RYR1: variants seen among roughly 807,000 people sequenced by gnomAD.
RYR1 encodes the protein ryanodine receptor 1.
Under a neutral mutation model 583.5 loss-of-function variants are expected in RYR1, and 342 were observed. The observed-to-expected ratio is 0.59, with a 90% confidence interval of 0.54 to 0.64. The LOEUF is 0.64. Ranked by LOEUF, RYR1 falls within the 30% of genes least tolerant of loss-of-function variation. The pLI is 0.00. For missense variants in RYR1, 6,032 were observed against 6,917.2 expected (o/e 0.87, Z 4.54); for synonymous variants, 2,791 against 2,822.5 (o/e 0.99, Z 0.35).
chr19:38,442,550 C>G, intron 3 of RYR1, 97 bp downstream of exon 3: 4 of 828,884 alleles, frequency 4.8e-6, no homozygotes, highest in Non-Finnish European at 8.3e-6. Flanking sequence ...TGAGAGGACC[C>G]GGGGGTCGCT....
At chr19:38,520,526 C>T (rs1390937195) in intron 67 of RYR1, among the ~76,000 whole-genome samples, 1 of 151,692 alleles carries the variant, frequency 6.6e-6, no homozygotes, top group Admixed American at 6.6e-5. Flanking sequence ...GAAACCCTGT[C>T]TCTATTATGA....
Position 38,506,818 on chromosome 19 carries a change from T to C in RYR1, c.8693-11T>C, listed in dbSNP as rs1383345101. On this transcript the variant is annotated splice_polypyrimidine_tract_variant and intron_variant, in intron 56 of 105. Transcript: ENST00000359596. ...CCCCAGAGCCCTGATTTCTGGTCTTTGCCTCCCCAGGCGGTGGGACCCACC... is the reference window on the plus strand; with the variant it reads ...CCCCAGAGCCCTGATTTCTGGTCTTCGCCTCCCCAGGCGGTGGGACCCACC... 2.5e-6 allele frequency: 4 copies of C among 1,613,902 alleles called. No individual in the cohort carries two copies. Among genetic ancestry groups the C allele is most frequent in the East Asian group, 2.2e-5 (1 of 44,878 alleles).
At chr19:38,447,436 G>A (rs1423859901) in intron 9 of RYR1, among the ~76,000 whole-genome samples, 1 of 152,124 alleles carries the variant, frequency 6.6e-6, no homozygotes, top group Non-Finnish European at 1.5e-5. Context: ...TGCTACTGGG[G>A]AGGCTCAGGC....
intron 34 of RYR1, among the ~76,000 whole-genome samples, chr19:38,487,074 C>T (rs950604154): frequency 6.6e-6 from 1 of 152,048 alleles, no homozygotes; most frequent in Non-Finnish European, 1.5e-5. Flanking sequence ...TCTTTCCTTC[C>T]GTAGGTCCAA....
chr19:38,444,787 G>T lies in RYR1; in HGVS notation c.631+110G>T. On this transcript the variant is annotated intron_variant, in intron 7 of 105. Coordinates refer to ENST00000359596, the MANE Select transcript of RYR1 (RefSeq NM_000540.3). This position sits in a 1 kb window ranked among gnomAD's most constrained non-coding sequence, Gnocchi z 5.1. ...CTTGGAACCTCAGACCTCAAACCTA[G>T]ATCTCCAAATTATGGCTCTCACACT... The T allele has an allele frequency of 1.2e-6, 1 of 820,416 alleles. No individual in the cohort carries two copies. The highest frequency in any genetic ancestry group is 1.7e-5 in the African/African-American group (1 of 58,188). 50.8% of individuals were successfully genotyped at this position (820,416 alleles called of 1,614,324 possible). A position where few individuals can be genotyped will look rare whatever the true frequency, so the allele number is the denominator to read the frequency against.
chr19:38,514,734 T>C (rs1435626531), intron 63 of RYR1, among the ~76,000 whole-genome samples: 1 of 152,170 alleles, frequency 6.6e-6, no homozygotes, highest in Non-Finnish European at 1.5e-5. Flanking sequence ...CTAGCCTTTA[T>C]TGAGTGCCTA....
chr19:38,436,536 T>G (rs1484630583), intron 1 of RYR1, among the ~76,000 whole-genome samples: 1 of 152,182 alleles, frequency 6.6e-6, no homozygotes, highest in African/African-American at 2.4e-5. Context: ...CATAATATTT[T>G]TGACATTCAT....
At chr19:38,537,134 C>T (rs1972006324) in intron 83 of RYR1, 1 of 361,464 alleles carries the variant, frequency 2.8e-6, no homozygotes, top group Non-Finnish European at 5.2e-6. Context: ...CCCACCTACT[C>T]TGCTCTCTGC....
intron 67 of RYR1, 131 bp from the exon 68 acceptor site, chr19:38,522,897 T>C (rs1283257858): frequency 6.6e-6 from 5 of 756,270 alleles, no homozygotes; most frequent in Non-Finnish European, 1.1e-5. Context: ...CATGGCCAGA[T>C]GACCCTAGAA....
intron 70 of RYR1, 33 bp from the exon 71 acceptor site, chr19:38,525,298 GC>G (rs1407512836): frequency 2.5e-6 from 4 of 1,613,478 alleles, no homozygotes; most frequent in African/African-American, 1.3e-5. Context: ...TGGGATTGGG[GC>G]TTGGGCTGGT....
At chr19:38,490,576 CT>C in intron 36 of RYR1, 44 bp from the exon 37 acceptor site, 1 of 1,244,286 alleles carries the variant, frequency 8.0e-7, no homozygotes, top group Non-Finnish European at 1.2e-6. Flanking sequence ...AGAGTTCCTG[CT>C]TTGGGATCTC....
intron 81 of RYR1, 51 bp from the exon 82 acceptor site, chr19:38,535,946 G>T: frequency 6.5e-7 from 1 of 1,541,898 alleles, no homozygotes; most frequent in Non-Finnish European, 8.9e-7. Flanking sequence ...TGGGAGAGAG[G>T]AGGGCAGAGG....
At chr19:38,459,408 A>G in intron 19 of RYR1, 70 bp downstream of exon 19, 1 of 1,446,010 alleles carries the variant, frequency 6.9e-7, no homozygotes, top group South Asian at 1.2e-5. Flanking sequence ...TTCCCCAGTC[A>G]CTCCATGGTC....
chr19:38,525,860 C>T (rs952665043), intron 71 of RYR1, among the ~76,000 whole-genome samples: 3 of 151,662 alleles, frequency 2.0e-5, no homozygotes, highest in African/African-American at 7.3e-5. Flanking sequence ...AAGATGAGCC[C>T]CTGAGATCCT....
At chr19:38,564,476 C>T (rs1490111574) in intron 90 of RYR1, among the ~76,000 whole-genome samples, 1 of 151,964 alleles carries the variant, frequency 6.6e-6, no homozygotes, top group African/African-American at 2.4e-5. Flanking sequence ...AGTGAGACAG[C>T]GTCACTTCAT....
intron 2 of RYR1, among the ~76,000 whole-genome samples, chr19:38,441,549 T>C (rs1972685303): frequency 6.9e-6 from 1 of 144,482 alleles, no homozygotes; most frequent in Non-Finnish European, 1.5e-5. Flanking sequence ...AGCTGGAGTC[T>C]GAGAGGGCAG....
Position 38,459,181 on chromosome 19 carries a change from C to G in RYR1, c.2203C>G (p.His735Asp). 1 of 1,613,980 alleles carries G rather than the reference C, an allele frequency of 6.2e-7. No homozygotes were observed. Among genetic ancestry groups the G allele is most frequent in the Non-Finnish European group, 8.5e-7 (1 of 1,180,032 alleles). ...VARPVTSPGQ[H>D]LLAPEDVISC... ...ACGCCCAGTGACTTCCCCAGGGCAGCACCTCCTGGCCCCTGAAGACGTGAT... is the reference window on the plus strand; with the variant it reads ...ACGCCCAGTGACTTCCCCAGGGCAGGACCTCCTGGCCCCTGAAGACGTGAT... The change falls in exon 19 of 106, where the codon CAC (histidine) becomes GAC (aspartate). Residue 735 changes from histidine to aspartate, a missense_variant. Coordinates refer to ENST00000359596, the MANE Select transcript of RYR1 (RefSeq NM_000540.3).
intron 78 of RYR1, among the ~76,000 whole-genome samples, chr19:38,533,967 A>G (rs142683790): frequency 0.024 from 3,583 of 151,950 alleles, 68 homozygotes; most frequent in Middle Eastern, 0.076. Flanking sequence ...GTGATATGGA[A>G]TATACAGCAA....
intron 89 of RYR1, among the ~76,000 whole-genome samples, chr19:38,549,339 C>T (rs1268507494): frequency 6.6e-6 from 1 of 152,082 alleles, no homozygotes; most frequent in Non-Finnish European, 1.5e-5. Flanking sequence ...TGCCTATAAT[C>T]CCAGCAATTT....
Sources: allele counts gnomAD v4.1 joint callset (sites outside exome capture counted in the v4.1 genomes callset), GRCh38; gene constraint gnomAD v4.1.1; non-coding constraint Gnocchi (gnomAD v3.1); transcripts MANE v1.5; gene names NCBI Gene and HGNC (gene_info 2026-07-23, HGNC 2026-07-21).